EVA1A: variants seen among roughly 807,000 people sequenced by gnomAD.
The protein encoded by EVA1A is protein eva-1 homolog A.
A neutral mutation model predicts 9.8 loss-of-function variants in EVA1A; 7 were observed. The observed-to-expected ratio is 0.71, with a 90% CI of 0.41 to 1.34. The LOEUF is 1.34. EVA1A is among the 40% of genes most tolerant of loss of function. The probability of loss-of-function intolerance (pLI) is 0.01; values close to 1 mark genes in which losing one functional copy is unlikely to be tolerated. For missense variants in EVA1A, 206 were observed against 205.9 expected, an observed-to-expected ratio of 1.00 and a Z score of 0.00; for synonymous variants, 90 against 85.6, an observed-to-expected ratio of 1.05 and a Z score of -0.28.
At chr2:75,518,278 G>GA in intron 2 of EVA1A, 70 bp from the exon 3 acceptor site, 1 of 1,409,102 alleles carries the variant, frequency 7.1e-7, no homozygotes, top group Non-Finnish European at 9.4e-7. Context: ...AGGTAGCCTG[G>GA]ACTCCTAAAG....
intron 3 of EVA1A, chr2:75,517,737 T>C: frequency 1.4e-6 from 1 of 712,632 alleles, no homozygotes; most frequent in South Asian, 1.5e-5. Context: ...AGGTACTCCA[T>C]CAGCCCCCTC....
intron 3 of EVA1A, among the ~76,000 whole-genome samples, chr2:75,517,658 C>G (rs773584709): frequency 1.3e-5 from 2 of 152,136 alleles, no homozygotes; most frequent in Non-Finnish European, 2.9e-5. Context: ...CATATACTCT[C>G]TCTCCCACAC....
At chr2:75,522,522 T>C (rs1387979751) in intron 1 of EVA1A, 35 bp from the exon 2 acceptor site, 2 of 152,192 alleles carry the variant, frequency 1.3e-5, no homozygotes, top group South Asian at 2.1e-4. Context: ...AAAACCATCA[T>C]ATACCCAGGA....
chr2:75,494,271 T>A (rs1674128945), intron 3 of EVA1A, among the ~76,000 whole-genome samples: 1 of 152,188 alleles, frequency 6.6e-6, no homozygotes, highest in Non-Finnish European at 1.5e-5. Context: ...TTTTCAAATA[T>A]GTGGCTTCTG....
intron 3 of EVA1A, among the ~76,000 whole-genome samples, chr2:75,498,772 T>G (rs1232334408): frequency 6.6e-6 from 1 of 151,212 alleles, no homozygotes; most frequent in East Asian, 1.9e-4. Flanking sequence ...CTGAGTGACT[T>G]AATACATTTA....
In EVA1A at chr2:75,492,439, A is replaced by C. The variant is rs1437711604; in HGVS notation, c.*797T>G. ...AAAAAAAAAAAAAAACAAAGTGTTT[A>C]AAATCACAATTATCTAGAGTCATAA... is the stretch of plus-strand genomic sequence containing the variant. On this transcript the variant is annotated 3_prime_UTR_variant, in exon 4 of 4. Coordinates refer to ENST00000393913, the MANE Select transcript of EVA1A (RefSeq NM_001135032.2). 6.7e-6 allele frequency: 1 copy of C among 148,394 alleles called. No homozygotes were observed. The highest frequency in any genetic ancestry group is 2.0e-4 in the East Asian group (1 of 5,000). The allele number at this position is 148,394 out of a possible 1,614,324, so 9.2% of individuals were successfully genotyped here.
intron 1 of EVA1A, among the ~76,000 whole-genome samples, chr2:75,567,076 G>C (rs1050176919): frequency 2.6e-5 from 4 of 152,142 alleles, no homozygotes; most frequent in Non-Finnish European, 5.9e-5. Context: ...AATGCTAATA[G>C]TTGTTCTTTA....
chr2:75,561,377 T>A (rs1676918145), upstream of EVA1A: 1 of 88,628 alleles, frequency 1.1e-5, no homozygotes, highest in Admixed American at 9.6e-5. Context: ...TGATCAACTT[T>A]TTTTTTTTTT....
intron 1 of EVA1A, among the ~76,000 whole-genome samples, chr2:75,544,186 G>A (rs1281989600): frequency 3.3e-5 from 5 of 152,206 alleles, no homozygotes; most frequent in South Asian, 2.1e-4. Context: ...TCAACTGTTC[G>A]GATCCATGCA....
chr2:75,556,040 G>A (rs1022268877), intron 1 of EVA1A, among the ~76,000 whole-genome samples: 13 of 152,098 alleles, frequency 8.5e-5, no homozygotes, highest in African/African-American at 1.9e-4. Context: ...CTATTCACAC[G>A]TCCCTCATAT....
rs537804979 is a variant in EVA1A, at chr2:75,497,679, C to A, written c.86-4070G>T. 1.0e-3 allele frequency among the ~76,000 whole-genome samples: 151 copies of A among 151,152 alleles called. 3 individuals carry two copies. The highest frequency in any genetic ancestry group is 3.6e-3 in the African/African-American group (147 of 41,172). ...AAGCCTGGGCAACATGGTGGAAAAC[C>A]CATCATTAAAAAAACACAAAAATTA... On this transcript the variant is annotated intron_variant, in intron 3 of 3. Transcript: ENST00000393913.
At chr2:75,514,330 G>A (rs1674928807) in intron 3 of EVA1A, among the ~76,000 whole-genome samples, 1 of 152,152 alleles carries the variant, frequency 6.6e-6, no homozygotes, top group South Asian at 2.1e-4. Flanking sequence ...CATATTTAAA[G>A]AGAAGGACAA....
chr2:75,504,459 C>T lies in EVA1A; in HGVS notation c.86-10850G>A, dbSNP rs577899935. 9.9e-5 allele frequency among the ~76,000 whole-genome samples: 15 copies of T among 152,266 alleles called. No individual in the cohort carries two copies. In the South Asian group the frequency reaches 3.1e-3, roughly 32 times the overall value. On this transcript the variant is annotated intron_variant, in intron 3 of 3. Transcript: ENST00000393913. ...CAAAATATCTTTATGGCATTCTGCC[C>T]CACCCCATTGGAAAGGGAAGACCTC...
At chr2:75,554,936 C>T (rs975318000) in intron 1 of EVA1A, among the ~76,000 whole-genome samples, 1 of 152,214 alleles carries the variant, frequency 6.6e-6, no homozygotes, top group African/African-American at 2.4e-5. Context: ...TCTTTTCTAT[C>T]TCTTCCTTCA....
At chr2:75,562,276 C>T (rs1676941705), upstream of EVA1A, among the ~76,000 whole-genome samples, 1 of 152,104 alleles carries the variant, frequency 6.6e-6, no homozygotes, top group African/African-American at 2.4e-5. Flanking sequence ...AATAGGTGGC[C>T]CCAGCTCCAC....
chr2:75,494,765 A>AGTTTTGG (rs1198976076), intron 3 of EVA1A, among the ~76,000 whole-genome samples: 4 of 152,210 alleles, frequency 2.6e-5, no homozygotes, highest in African/African-American at 9.6e-5. Context: ...TCAGCCACTA[A>AGTTTTGG]GTTTTGGGGT....
chr2:75,526,928 G>C (rs1675466317), intron 1 of EVA1A, among the ~76,000 whole-genome samples: 1 of 152,182 alleles, frequency 6.6e-6, no homozygotes, highest in Non-Finnish European at 1.5e-5. Context: ...TGAAAGACTT[G>C]TTGGGGGTTC....
intron 1 of EVA1A, among the ~76,000 whole-genome samples, chr2:75,543,591 A>T (rs1204804450): frequency 6.6e-6 from 1 of 151,842 alleles, no homozygotes; most frequent in Admixed American, 6.5e-5. Flanking sequence ...CCCCGCAAGG[A>T]GCTGGGGGGA....
At chr2:75,568,673 A>G (rs1288449034) in intron 1 of EVA1A, among the ~76,000 whole-genome samples, 16 of 152,198 alleles carry the variant, frequency 1.1e-4, no homozygotes, top group Non-Finnish European at 2.4e-4. Context: ...TTGCATCCTC[A>G]TAGTTTGGCT....
Sources: allele counts gnomAD v4.1 joint callset (sites outside exome capture counted in the v4.1 genomes callset), GRCh38; gene constraint gnomAD v4.1.1; transcripts MANE v1.5; gene names NCBI Gene and HGNC (gene_info 2026-07-23, HGNC 2026-07-21).